Variants in QTGAL observed in about 807,000 individuals in gnomAD.
QTGAL encodes queuosine-tRNA galactosyltransferase, also known as BGnT-like protein 1.
At chr17:82,942,377 G>A in the QTGAL span, 1 of 1,609,792 alleles carries the variant, frequency 6.2e-7, no homozygotes, top group Non-Finnish European at 8.5e-7. Context: ...GCCCAGAGGG[G>A]TGAGGGTCCC....
chr17:82,962,383 TAA>T, the QTGAL span, among the ~76,000 whole-genome samples: 1 of 152,362 alleles, frequency 6.6e-6, no homozygotes, highest in South Asian at 2.1e-4. Context: ...TCAGCCCTGC[TAA>T]AAGTTTATCC....
At chr17:82,965,446 A>G in the QTGAL span, among the ~76,000 whole-genome samples, 1 of 152,194 alleles carries the variant, frequency 6.6e-6, no homozygotes, top group African/African-American at 2.4e-5. Flanking sequence ...GCCTTCATGC[A>G]GAAACCCCCT....
the QTGAL span, among the ~76,000 whole-genome samples, chr17:82,994,292 C>T: frequency 6.6e-6 from 1 of 151,890 alleles, no homozygotes; most frequent in Non-Finnish European, 1.5e-5. Context: ...CAAATAAAAT[C>T]AGGGATGAAA....
the QTGAL span, among the ~76,000 whole-genome samples, chr17:83,039,512 C>T: frequency 0.046 from 4,732 of 102,656 alleles, 26 homozygotes; most frequent in Non-Finnish European, 0.055. Context: ...CACTGCTGGG[C>T]GCCCGCCGCC....
chr17:82,970,374 AACCATT>A, the QTGAL span, among the ~76,000 whole-genome samples: 2 of 152,274 alleles, frequency 1.3e-5, no homozygotes, highest in Non-Finnish European at 2.9e-5. Flanking sequence ...ATTACAAAGC[AACCATT>A]TAGCTTCCTG....
At chr17:82,957,993 G>C in the QTGAL span, among the ~76,000 whole-genome samples, 2 of 152,012 alleles carry the variant, frequency 1.3e-5, no homozygotes, top group Non-Finnish European at 2.9e-5. Flanking sequence ...TGCTGTCCCG[G>C]GGGGAGCAGG....
At chr17:82,962,145 T>C in the QTGAL span, among the ~76,000 whole-genome samples, 3 of 152,302 alleles carry the variant, frequency 2.0e-5, no homozygotes, top group East Asian at 3.9e-4. Flanking sequence ...TCTCCTTGGC[T>C]GGTACACAAA....
chr17:83,028,042 C>T, the QTGAL span, among the ~76,000 whole-genome samples: 17 of 151,946 alleles, frequency 1.1e-4, no homozygotes, highest in Middle Eastern at 3.4e-3. Flanking sequence ...ACCTGGGAGG[C>T]GGTGGTTGCA....
At chr17:83,028,278 A>G in the QTGAL span, among the ~76,000 whole-genome samples, 2 of 151,696 alleles carry the variant, frequency 1.3e-5, no homozygotes, top group South Asian at 2.1e-4. Context: ...TAATCCCAGC[A>G]CTTTGGGAGG....
chr17:82,958,316 A>C, the QTGAL span, among the ~76,000 whole-genome samples: 1 of 152,074 alleles, frequency 6.6e-6, no homozygotes, highest in Non-Finnish European at 1.5e-5. Context: ...GAAGCCCGGT[A>C]CCCCACAGAC....
At chr17:83,046,891 A>T in the QTGAL span, among the ~76,000 whole-genome samples, 1 of 152,252 alleles carries the variant, frequency 6.6e-6, no homozygotes, top group African/African-American at 2.4e-5. Context: ...ATCCTCCCAG[A>T]AAAAGGAACG....
chr17:83,004,883 G>C, the QTGAL span, among the ~76,000 whole-genome samples: 1 of 152,048 alleles, frequency 6.6e-6, no homozygotes, highest in Non-Finnish European at 1.5e-5. Context: ...GGGTTTCCCA[G>C]CTCAGAACTT....
At chr17:82,957,650 C>A in the QTGAL span, among the ~76,000 whole-genome samples, 9 of 152,326 alleles carry the variant, frequency 5.9e-5, no homozygotes, top group African/African-American at 1.7e-4. Flanking sequence ...ACAGTCAGGC[C>A]ACCTGCCCCA....
chr17:82,982,610 G>A, the QTGAL span, among the ~76,000 whole-genome samples: 3 of 133,080 alleles, frequency 2.3e-5, no homozygotes, highest in African/African-American at 9.7e-5. Flanking sequence ...CAAATCTGGT[G>A]CCTTGATCTG....
At chr17:83,024,295 G>A in the QTGAL span, among the ~76,000 whole-genome samples, 1 of 146,186 alleles carries the variant, frequency 6.8e-6, no homozygotes, top group African/African-American at 2.8e-5. Context: ...TCCTCCAGGC[G>A]GGCAGGCCCT....
the QTGAL span, among the ~76,000 whole-genome samples, chr17:82,956,219 G>A: frequency 2.0e-5 from 3 of 151,832 alleles, no homozygotes; most frequent in African/African-American, 2.4e-5. This position sits in a 1 kb window ranked among gnomAD's most constrained non-coding sequence, Gnocchi z 5.7. Context: ...GACTCCCCAC[G>A]CTTGGGGAAA....
At chr17:83,008,828 G>A in the QTGAL span, among the ~76,000 whole-genome samples, 109 of 151,872 alleles carry the variant, frequency 7.2e-4, no homozygotes, top group African/African-American at 2.2e-3. Flanking sequence ...GAGCGAGTGC[G>A]CAGGCTCCAG....
chr17:82,956,732 C>A, the QTGAL span: 5 of 1,590,418 alleles, frequency 3.1e-6, no homozygotes, highest in East Asian at 1.1e-4. The surrounding 1 kb of genome is among the most constrained non-coding windows in gnomAD (Gnocchi z 5.7). Flanking sequence ...CCGGGCGGCT[C>A]GGAAGTGCAG....
chr17:82,974,205 C>T, the QTGAL span, among the ~76,000 whole-genome samples: 1 of 152,216 alleles, frequency 6.6e-6, no homozygotes, highest in Non-Finnish European at 1.5e-5. Flanking sequence ...CCTGGCTCCT[C>T]ATCAACCCTC....
Sources: gnomAD v4.1 joint callset for allele counts (sites outside exome capture counted in the v4.1 genomes callset) on GRCh38, gnomAD v4.1.1 for gene constraint, Gnocchi (gnomAD v3.1) non-coding constraint, MANE v1.5 for transcripts, NCBI Gene and HGNC (gene_info 2026-07-23, HGNC 2026-07-21) for gene names.